Variants in IMMP2L observed in about 807,000 individuals in gnomAD.
IMMP2L encodes inner mitochondrial membrane peptidase subunit 2, also known as mitochondrial inner membrane protease subunit 2.
In IMMP2L, 18 loss-of-function variants were observed where a neutral mutation model predicts 19.3. That is an observed-to-expected ratio of 0.93 (90% CI 0.64 to 1.38). The LOEUF is 1.38. Ranked by LOEUF, IMMP2L falls within the 40% of genes most tolerant of loss-of-function variation. The pLI, the probability that IMMP2L is intolerant of heterozygous loss-of-function variation, is 0.00. For missense variants in IMMP2L, 233 were observed against 218.2 expected, an observed-to-expected ratio of 1.07 and a Z score of -0.43; for synonymous variants, 76 against 73.0, an observed-to-expected ratio of 1.04 and a Z score of -0.21.
intron 3 of IMMP2L, among the ~76,000 whole-genome samples, chr7:110,978,904 A>T (rs1171161768): frequency 6.6e-6 from 1 of 152,080 alleles, no homozygotes; most frequent in Non-Finnish European, 1.5e-5. Flanking sequence ...ATCCTGCTCA[A>T]TTCAAATCAT....
intron 3 of IMMP2L, among the ~76,000 whole-genome samples, chr7:111,322,681 C>T (rs368645004): frequency 6.6e-6 from 1 of 151,454 alleles, no homozygotes; most frequent in African/African-American, 2.4e-5. Flanking sequence ...TCTCAGATCA[C>T]GACGCAAAAT....
At chr7:111,230,342 A>G (rs1409165141) in intron 3 of IMMP2L, among the ~76,000 whole-genome samples, 3 of 152,040 alleles carry the variant, frequency 2.0e-5, no homozygotes, top group Admixed American at 6.6e-5. Flanking sequence ...TTCAAACACT[A>G]GCAAGGTCTT....
intron 3 of IMMP2L, among the ~76,000 whole-genome samples, chr7:111,114,056 T>C (rs1799550285): frequency 1.3e-5 from 2 of 152,060 alleles, no homozygotes; most frequent in South Asian, 4.1e-4. Context: ...GAAATTTTAA[T>C]GCATAAATTT....
rs57296976 is a variant in IMMP2L, at chr7:111,334,890, G to T, written c.239+152348C>A. The stretch of plus-strand genomic sequence containing the variant: ...AAAACAAGAGAAAGGTTGATTCGGG[G>T]TAATATCAGTCAGGTAACGATGGAA... On this transcript the variant is annotated intron_variant, in intron 3 of 5. Transcript: ENST00000405709. 1.9e-3 allele frequency among the ~76,000 whole-genome samples: 292 copies of T among 152,158 alleles called. 1 individual carries two copies. Among genetic ancestry groups the T allele is most frequent in the African/African-American group, 6.8e-3 (282 of 41,524 alleles).
At chr7:111,250,561 G>C (rs1815986688) in intron 3 of IMMP2L, among the ~76,000 whole-genome samples, 1 of 152,098 alleles carries the variant, frequency 6.6e-6, no homozygotes, top group South Asian at 2.1e-4. Context: ...CAGAGACATA[G>C]ACCAATGGAA....
At chr7:110,935,215 T>G (rs966788871) in intron 4 of IMMP2L, among the ~76,000 whole-genome samples, 1 of 152,154 alleles carries the variant, frequency 6.6e-6, no homozygotes, top group Non-Finnish European at 1.5e-5. Flanking sequence ...CTCTCATCAT[T>G]TGCTTGTCTG....
At chr7:110,717,429 C>T (rs1003234240) in intron 5 of IMMP2L, among the ~76,000 whole-genome samples, 5 of 152,214 alleles carry the variant, frequency 3.3e-5, no homozygotes, top group African/African-American at 2.4e-5. Flanking sequence ...TGCGCCACTG[C>T]GCTCCAGCCT....
At chr7:111,167,017 G>A (rs1353204043) in intron 3 of IMMP2L, among the ~76,000 whole-genome samples, 3 of 151,844 alleles carry the variant, frequency 2.0e-5, no homozygotes, top group Non-Finnish European at 4.4e-5. Context: ...TCGGAGGGGG[G>A]GCAGGTCACC....
chr7:110,854,472 C>CA (rs1585038163), intron 5 of IMMP2L, among the ~76,000 whole-genome samples: 1 of 151,612 alleles, frequency 6.6e-6, no homozygotes, highest in South Asian at 2.1e-4. Context: ...TTCACTCTGT[C>CA]AAAAAAATAA....
rs1008431104 is a variant in IMMP2L, at chr7:110,757,868, C to A, written c.409-94147G>T. Among the ~76,000 whole-genome samples, 1 of 151,998 alleles carries A rather than the reference C, an allele frequency of 6.6e-6. No individual in the cohort carries two copies. On this transcript the variant is annotated intron_variant, in intron 5 of 5. Transcript: ENST00000405709. This position sits in a 1 kb window ranked among gnomAD's most constrained non-coding sequence, Gnocchi z 4.2. ...CTGAAAGTGGGGAGGGGAAGCCATGCAGCTGTTTGGAGGAAGAGAATTTCA... is the reference window on the plus strand; with the variant it reads ...CTGAAAGTGGGGAGGGGAAGCCATGAAGCTGTTTGGAGGAAGAGAATTTCA...
At chr7:110,849,190 A>T (rs1051037789) in intron 5 of IMMP2L, among the ~76,000 whole-genome samples, 7 of 151,902 alleles carry the variant, frequency 4.6e-5, no homozygotes, top group African/African-American at 1.7e-4. Context: ...ATATATGAGA[A>T]CTCTGTACTT....
At chr7:110,673,549 C>T (rs980984834) in intron 5 of IMMP2L, among the ~76,000 whole-genome samples, 3 of 152,156 alleles carry the variant, frequency 2.0e-5, no homozygotes, top group African/African-American at 7.2e-5. Context: ...GCTGCAAATT[C>T]TCCAAACTTT....
Position 111,428,560 on chromosome 7 carries a change from T to C in IMMP2L, c.239+58678A>G, listed in dbSNP as rs527336952. On this transcript the variant is annotated intron_variant, in intron 3 of 5. Transcript: ENST00000405709. ...AAAAACCTTTTAAAATTTTCTTTGA[T>C]ACAGTAACTTTCTAAAGAAATGTTC... is the stretch of plus-strand genomic sequence containing the variant. Among the ~76,000 whole-genome samples the C allele has an allele frequency of 8.2e-5, 12 of 146,934 alleles. No individual in the cohort carries two copies. In the South Asian group the frequency reaches 2.5e-3, roughly 30 times the overall value.
At chr7:111,146,468 C>T (rs910763870) in intron 3 of IMMP2L, among the ~76,000 whole-genome samples, 2 of 151,886 alleles carry the variant, frequency 1.3e-5, no homozygotes, top group Non-Finnish European at 2.9e-5. Flanking sequence ...CCACTAGAAC[C>T]CAAATGACAG....
At chr7:111,101,355 T>C (rs1458455490) in intron 3 of IMMP2L, among the ~76,000 whole-genome samples, 1 of 151,412 alleles carries the variant, frequency 6.6e-6, no homozygotes. Flanking sequence ...ACAAGCAGAA[T>C]CATATATTCG....
At chr7:111,324,954 A>G (rs968099183) in intron 3 of IMMP2L, among the ~76,000 whole-genome samples, 2 of 151,814 alleles carry the variant, frequency 1.3e-5, no homozygotes, top group African/African-American at 2.4e-5. Flanking sequence ...CATCCATAAA[A>G]ACATTAACTG....
chr7:111,135,289 C>G (rs1802227930), intron 3 of IMMP2L, among the ~76,000 whole-genome samples: 1 of 152,134 alleles, frequency 6.6e-6, no homozygotes, highest in African/African-American at 2.4e-5. Flanking sequence ...AGATATAAGA[C>G]ATACTCATAC....
At chr7:111,085,461 G>T (rs549310675) in intron 3 of IMMP2L, among the ~76,000 whole-genome samples, 1 of 152,040 alleles carries the variant, frequency 6.6e-6, no homozygotes, top group Admixed American at 6.5e-5. Context: ...GTGGGTTTGC[G>T]TCCCATTAAT....
chr7:111,005,904 C>A (rs965206718), intron 3 of IMMP2L, among the ~76,000 whole-genome samples: 1 of 152,060 alleles, frequency 6.6e-6, no homozygotes, highest in Admixed American at 6.6e-5. Flanking sequence ...GAATTAGCGG[C>A]TGGAACACTG....
Sources: gnomAD v4.1 joint callset for allele counts (sites outside exome capture counted in the v4.1 genomes callset) on GRCh38, gnomAD v4.1.1 for gene constraint, Gnocchi (gnomAD v3.1) non-coding constraint, MANE v1.5 for transcripts, NCBI Gene and HGNC (gene_info 2026-07-23, HGNC 2026-07-21) for gene names.